The following CNTNAP2 variants were observed in gnomAD, a reference collection of about 807,000 sequenced individuals.
The protein encoded by CNTNAP2 is contactin associated protein 2.
In CNTNAP2, 98 loss-of-function variants were observed where a neutral mutation model predicts 155.2. The ratio of observed to expected loss-of-function variants is 0.63; its 90% CI spans 0.54 to 0.75. CNTNAP2 has a LOEUF of 0.75. Ranked by LOEUF, CNTNAP2 falls within the 30% of genes least tolerant of loss-of-function variation. The pLI is 0.00. For synonymous variants in CNTNAP2, 651 were observed against 631.2 expected, an observed-to-expected ratio of 1.03 and a Z score of -0.47; for missense variants, 1,727 against 1,688.1, an observed-to-expected ratio of 1.02 and a Z score of -0.40.
chr7:147,092,735 G>A (rs1584835095), intron 4 of CNTNAP2, among the ~76,000 whole-genome samples: 1 of 152,114 alleles, frequency 6.6e-6, no homozygotes, highest in East Asian at 1.9e-4. Context: ...GATTCTTTAG[G>A]AATCTCAGAT....
intron 1 of CNTNAP2, among the ~76,000 whole-genome samples, chr7:146,695,382 A>G (rs923589222): frequency 2.0e-5 from 3 of 150,704 alleles, no homozygotes; most frequent in African/African-American, 7.3e-5. Flanking sequence ...GTGATAAATT[A>G]CATTGATTTT....
rs147533975 is a variant in CNTNAP2, at chr7:146,853,471, A to G, written c.402+13567A>G. ...ATAATATCAAACCTATGGATATTTA[A>G]TGGAATTTAACCTATTTCTTAGCTT... On this transcript the variant is annotated intron_variant, in intron 3 of 23. Transcript: ENST00000361727. Among the ~76,000 whole-genome samples, 419 of 152,320 alleles carry G rather than the reference A, an allele frequency of 2.8e-3. 1 individual carries two copies. Among genetic ancestry groups the G allele is most frequent in the African/African-American group, 9.6e-3 (401 of 41,580 alleles).
At chr7:147,961,699 T>A (rs1801122898) in intron 14 of CNTNAP2, among the ~76,000 whole-genome samples, 1 of 152,208 alleles carries the variant, frequency 6.6e-6, no homozygotes, top group Non-Finnish European at 1.5e-5. Context: ...TCATTGGTAA[T>A]TCTGTAATAA....
At chr7:147,179,994 G>A (rs946101829) in intron 8 of CNTNAP2, among the ~76,000 whole-genome samples, 1 of 152,052 alleles carries the variant, frequency 6.6e-6, no homozygotes, top group East Asian at 1.9e-4. Flanking sequence ...TTGAGGGAGG[G>A]TATCAGGACC....
At chr7:146,834,405 T>G (rs1803577105) in intron 2 of CNTNAP2, among the ~76,000 whole-genome samples, 1 of 152,018 alleles carries the variant, frequency 6.6e-6, no homozygotes, top group Admixed American at 6.6e-5. Flanking sequence ...ACAGCATACG[T>G]GTGCTCACAC....
Position 148,416,796 on chromosome 7 carries a change from CTT to C in CNTNAP2, c.*1181_*1182del, listed in dbSNP as rs1800004398. Reference sequence around the variant, plus strand: ...ACACTGCTGTGATTCAGGGATCTTTCTTCTAAGACGGACACATTTGAACCTCA... The same window carrying C: ...ACACTGCTGTGATTCAGGGATCTTTCCTAAGACGGACACATTTGAACCTCA... On this transcript the variant is annotated 3_prime_UTR_variant, in exon 24 of 24. Transcript: ENST00000361727. The C allele has an allele frequency of 6.6e-6, 1 of 150,882 alleles. No individual in the cohort carries two copies. The highest frequency in any genetic ancestry group is 2.5e-5 in the African/African-American group (1 of 40,020). The allele number at this position is 150,882 out of a possible 1,614,324, so 9.3% of individuals were successfully genotyped here.
chr7:147,450,796 C>T (rs1347235783), intron 10 of CNTNAP2, among the ~76,000 whole-genome samples: 1 of 152,130 alleles, frequency 6.6e-6, no homozygotes, highest in Non-Finnish European at 1.5e-5. Flanking sequence ...TATAAAGATG[C>T]TCCTCTAATA....
chr7:146,151,706 A>G (rs1186067755), intron 1 of CNTNAP2, among the ~76,000 whole-genome samples: 5 of 65,348 alleles, frequency 7.7e-5, no homozygotes, highest in South Asian at 4.0e-4. Context: ...ATGTATATAT[A>G]TATATATGTA....
chr7:146,220,973 A>G (rs1289820409), intron 1 of CNTNAP2, among the ~76,000 whole-genome samples: 1 of 152,238 alleles, frequency 6.6e-6, no homozygotes, highest in East Asian at 1.9e-4. Context: ...TTGATTATAC[A>G]TTGTTATTAG....
intron 12 of CNTNAP2, among the ~76,000 whole-genome samples, chr7:147,630,366 G>A (rs1456042045): frequency 6.8e-6 from 1 of 146,298 alleles, no homozygotes; most frequent in African/African-American, 2.5e-5. Flanking sequence ...AGAACCAGAC[G>A]GATTCGCAGC....
At chr7:146,235,057 CAG>C (rs911659408) in intron 1 of CNTNAP2, among the ~76,000 whole-genome samples, 6 of 151,978 alleles carry the variant, frequency 3.9e-5, no homozygotes, top group African/African-American at 1.5e-4. Context: ...AAAGTATGAA[CAG>C]AGAGTTGAGA....
chr7:147,009,420 C>T (rs7796367), intron 3 of CNTNAP2, among the ~76,000 whole-genome samples: 56,114 of 151,892 alleles, frequency 0.37, 10,553 homozygotes, highest in East Asian at 0.44. Context: ...GTTTGACAAC[C>T]GACAGTTTTC....
intron 20 of CNTNAP2, among the ~76,000 whole-genome samples, chr7:148,244,437 TG>T: frequency 6.6e-6 from 1 of 152,330 alleles, no homozygotes; most frequent in East Asian, 1.9e-4. Context: ...GAATGAGTAT[TG>T]AGCCCAGTGT....
intron 1 of CNTNAP2, among the ~76,000 whole-genome samples, chr7:146,720,362 A>G (rs1341963045): frequency 6.6e-6 from 1 of 152,076 alleles, no homozygotes; most frequent in Non-Finnish European, 1.5e-5. Flanking sequence ...TCCACGTTAC[A>G]AAAGACCCTG....
chr7:147,307,763 C>G (rs1249933458), intron 9 of CNTNAP2, among the ~76,000 whole-genome samples: 2 of 152,122 alleles, frequency 1.3e-5, no homozygotes, highest in Non-Finnish European at 2.9e-5. Context: ...TTTGAATTCG[C>G]TTTGATGTTT....
chr7:146,645,061 AAAG>A (rs1799787994), intron 1 of CNTNAP2, among the ~76,000 whole-genome samples: 1 of 152,202 alleles, frequency 6.6e-6, no homozygotes, highest in Non-Finnish European at 1.5e-5. Flanking sequence ...ATTTTTTTAA[AAAG>A]AAATTCAAAA....
rs541521255 is a variant in CNTNAP2 at position 147,569,587 on chromosome 7, T to G, written c.1897+7330T>G. ...CAGTACAGTAATATGCTGTACAGGT[T>G]TGTAGCCTAGGAGCAATAGGCTTTA... On this transcript the variant is annotated intron_variant, in intron 12 of 23. Coordinates refer to ENST00000361727, the MANE Select transcript of CNTNAP2 (RefSeq NM_014141.6). 3.3e-5 allele frequency among the ~76,000 whole-genome samples: 5 copies of G among 152,314 alleles called. No individual in the cohort carries two copies. In the South Asian group the frequency reaches 1.0e-3, roughly 32 times the overall value.
In CNTNAP2 at chr7:148,217,277, C is replaced by T. The variant is rs201397443; in HGVS notation, c.3011-11C>T. The T allele has an allele frequency of 1.6e-4, 265 of 1,613,816 alleles. 1 individual carries two copies. The African/African-American group carries it at 3.1e-3, about 19-fold the overall frequency. On this transcript the variant is annotated splice_polypyrimidine_tract_variant and intron_variant, in intron 18 of 23. Coordinates refer to ENST00000361727, the MANE Select transcript of CNTNAP2 (RefSeq NM_014141.6). ...TCCTCATTTTTCAATTCTCTCTCTC[C>T]TTTATAACAGATGTTGGTGCATTTT... is the stretch of plus-strand genomic sequence containing the variant.
intron 21 of CNTNAP2, among the ~76,000 whole-genome samples, chr7:148,383,035 T>G (rs904234980): frequency 2.6e-5 from 4 of 152,198 alleles, no homozygotes; most frequent in African/African-American, 9.6e-5. Flanking sequence ...CACCAAGGCA[T>G]GTGTTGTTTG....
Sources: allele counts gnomAD v4.1 joint callset (sites outside exome capture counted in the v4.1 genomes callset), GRCh38; gene constraint gnomAD v4.1.1; transcripts MANE v1.5; gene names NCBI Gene and HGNC (gene_info 2026-07-23, HGNC 2026-07-21).